Variants in ARHGAP22 observed in about 807,000 individuals in gnomAD.
The protein encoded by ARHGAP22 is Rho GTPase activating protein 22.
In ARHGAP22, 48 loss-of-function variants were observed where a neutral mutation model predicts 59.1. The ratio of observed to expected loss-of-function variants is 0.81; its 90% confidence interval spans 0.64 to 1.03. ARHGAP22 has a LOEUF of 1.03. ARHGAP22 is among the 50% of genes least tolerant of loss of function. ARHGAP22 has a pLI of 0.00. For synonymous variants in ARHGAP22, 445 were observed against 416.4 expected, an observed-to-expected ratio of 1.07 and a Z score of -0.84; for missense variants, 1,015 against 958.7, an observed-to-expected ratio of 1.06 and a Z score of -0.78.
At chr10:48,645,544 A>G (rs1373380508) in intron 1 of ARHGAP22, among the ~76,000 whole-genome samples, 2 of 152,210 alleles carry the variant, frequency 1.3e-5, no homozygotes, top group Non-Finnish European at 2.9e-5. Flanking sequence ...GACAAAACCC[A>G]TATAATCATC....
intron 3 of ARHGAP22, among the ~76,000 whole-genome samples, chr10:48,494,755 C>G (rs1279815254): frequency 1.3e-5 from 2 of 152,204 alleles, no homozygotes; most frequent in Admixed American, 6.5e-5. Context: ...AAACCCAACT[C>G]TGATGTGACT....
At chr10:48,576,415 T>C (rs1221048508) in intron 2 of ARHGAP22, among the ~76,000 whole-genome samples, 1 of 152,214 alleles carries the variant, frequency 6.6e-6, no homozygotes, top group Non-Finnish European at 1.5e-5. Flanking sequence ...TCTTTTCTTG[T>C]TTAAATTTTT....
intron 3 of ARHGAP22, among the ~76,000 whole-genome samples, chr10:48,534,463 C>T (rs968738784): frequency 2.6e-5 from 4 of 152,178 alleles, no homozygotes; most frequent in Non-Finnish European, 5.9e-5. Context: ...TCTGTCCTTG[C>T]CATATGGACA....
chr10:48,489,878 C>A (rs2050207738), intron 3 of ARHGAP22, among the ~76,000 whole-genome samples: 1 of 152,082 alleles, frequency 6.6e-6, no homozygotes, highest in Non-Finnish European at 1.5e-5. Flanking sequence ...GGACTACAGG[C>A]ACCTGCCATC....
intron 1 of ARHGAP22, among the ~76,000 whole-genome samples, chr10:48,629,423 T>C (rs2136084450): frequency 6.6e-6 from 1 of 152,362 alleles, no homozygotes; most frequent in Non-Finnish European, 1.5e-5. Context: ...TATTTTTGTA[T>C]TTAGGTCTAC....
intron 1 of ARHGAP22, among the ~76,000 whole-genome samples, chr10:48,619,187 A>G (rs1374147110): frequency 6.6e-6 from 1 of 152,184 alleles, no homozygotes; most frequent in African/African-American, 2.4e-5. Context: ...AATGAAATAA[A>G]TTGAAAAGAA....
chr10:48,575,063 G>A (rs1244168927), intron 2 of ARHGAP22: 4 of 152,132 alleles, frequency 2.6e-5, no homozygotes, highest in Admixed American at 1.3e-4. Flanking sequence ...GAATTCTCAC[G>A]AAATCTGGTG....
chr10:48,547,758 G>T lies in ARHGAP22; in HGVS notation c.322+7705C>A, dbSNP rs115373132. Among the ~76,000 whole-genome samples the T allele has an allele frequency of 8.4e-3, 1,279 of 152,356 alleles. 14 individuals are homozygous for T. The highest frequency in any genetic ancestry group is 0.03 in the African/African-American group (1,228 of 41,574). On this transcript the variant is annotated intron_variant, in intron 3 of 9. Coordinates refer to ENST00000249601, the MANE Select transcript of ARHGAP22 (RefSeq NM_021226.4). The stretch of plus-strand genomic sequence containing the variant: ...TTCCCCACAAGTAGGAATTGCTCCT[G>T]AGTGTGGGGGGCCATCGGCTCGGTG...
intron 3 of ARHGAP22, among the ~76,000 whole-genome samples, chr10:48,515,582 A>G (rs2053209110): frequency 6.6e-6 from 1 of 152,204 alleles, no homozygotes; most frequent in African/African-American, 2.4e-5. Flanking sequence ...CTAACATACA[A>G]CTGTAGAATG....
intron 1 of ARHGAP22, among the ~76,000 whole-genome samples, chr10:48,650,146 C>CTT (rs11386532): frequency 0.024 from 1,944 of 81,988 alleles, 100 homozygotes; most frequent in East Asian, 0.052. Context: ...GCTGGAGACT[C>CTT]TTTTTTTTTT....
At chr10:48,463,788 C>G (rs535494981) in intron 4 of ARHGAP22, among the ~76,000 whole-genome samples, 1 of 152,308 alleles carries the variant, frequency 6.6e-6, no homozygotes, top group South Asian at 2.1e-4. Flanking sequence ...TGCTGAACTG[C>G]CCAGAGCCAC....
At chr10:48,532,393 A>G (rs1900021) in intron 3 of ARHGAP22, 46,588 of 151,938 alleles carry the variant, frequency 0.31, 7,900 homozygotes, top group African/African-American at 0.45. Context: ...TTCAGTGTGC[A>G]CACACACTGT....
chr10:48,487,118 G>A (rs1465193615), intron 3 of ARHGAP22, among the ~76,000 whole-genome samples: 3 of 152,098 alleles, frequency 2.0e-5, no homozygotes, highest in East Asian at 1.9e-4. Flanking sequence ...ATATTTTGGC[G>A]ATTGGTACTT....
At chr10:48,571,389 C>G (rs192214606) in intron 2 of ARHGAP22, among the ~76,000 whole-genome samples, 87 of 152,344 alleles carry the variant, frequency 5.7e-4, no homozygotes, top group African/African-American at 2.0e-3. Context: ...GTTATTCCTC[C>G]TATGGACATG....
rs556708447 is a variant in ARHGAP22, at chr10:48,578,137, A to G, written c.234+4816T>C. Among the ~76,000 whole-genome samples the G allele has an allele frequency of 9.9e-5, 15 of 151,906 alleles. No individual in the cohort carries two copies. In the South Asian group the frequency reaches 2.9e-3, roughly 30 times the overall value. On this transcript the variant is annotated intron_variant, in intron 2 of 9. Transcript: ENST00000249601. ...ACTGCTTTTTTTTAAGTTAACCTTC[A>G]CCCAGTGCTCCTGTCCTGAGCTCCT... is the stretch of plus-strand genomic sequence containing the variant.
rs758727913 is a variant in ARHGAP22, at chr10:48,451,146, G to A, written c.989-6C>T. On this transcript the variant is annotated splice_polypyrimidine_tract_variant and splice_region_variant and intron_variant, in intron 8 of 9. Coordinates refer to ENST00000249601, the MANE Select transcript of ARHGAP22 (RefSeq NM_021226.4). ...GTGCTGGACGAGGGAAGTGCCTGCC[G>A]GGAAGAGAGGCGGAGAAGGGCCTTG... 14 of 1,551,220 alleles carry A rather than the reference G, an allele frequency of 9.0e-6. No individual in the cohort carries two copies. Among genetic ancestry groups the A allele is most frequent in the South Asian group, 1.2e-5 (1 of 84,100 alleles).
intron 3 of ARHGAP22, among the ~76,000 whole-genome samples, chr10:48,553,590 C>T (rs1052670603): frequency 1.7e-4 from 26 of 152,132 alleles, no homozygotes; most frequent in Admixed American, 1.2e-3. Flanking sequence ...ATAGGTCTGA[C>T]GACATTCCCT....
chr10:48,446,353 C>T lies in ARHGAP22; in HGVS notation c.*38G>A, dbSNP rs2045347356. The T allele has an allele frequency of 3.1e-6, 5 of 1,607,582 alleles. No individual in the cohort carries two copies. Among genetic ancestry groups the T allele is most frequent in the Non-Finnish European group, 3.4e-6 (4 of 1,174,990 alleles). Reference sequence around the variant, plus strand: ...TCTAACTCCATACAAGGCTGGAGACCAGCAGACGTGGTACAGAAGTGAGCT... The same window carrying T: ...TCTAACTCCATACAAGGCTGGAGACTAGCAGACGTGGTACAGAAGTGAGCT... On this transcript the variant is annotated 3_prime_UTR_variant, in exon 10 of 10. Transcript: ENST00000249601.
downstream of ARHGAP22, chr10:48,444,245 A>G (rs1462004790): frequency 6.6e-6 from 1 of 152,194 alleles, no homozygotes; most frequent in Admixed American, 6.5e-5. Context: ...AACAAGTACA[A>G]TGGGAATCTG....
Sources: gnomAD v4.1 joint callset for allele counts (sites outside exome capture counted in the v4.1 genomes callset) on GRCh38, gnomAD v4.1.1 for gene constraint, MANE v1.5 for transcripts, NCBI Gene and HGNC (gene_info 2026-07-23, HGNC 2026-07-21) for gene names.